ANGPT1: variants seen among roughly 807,000 people sequenced by gnomAD.
ANGPT1 encodes the protein angiopoietin-1.
Under a neutral mutation model 62.2 loss-of-function variants are expected in ANGPT1, and 17 were observed. The observed-to-expected ratio is 0.27, with a 90% CI of 0.19 to 0.41. The LOEUF is 0.41. Ranked by LOEUF, ANGPT1 falls within the 10% of genes least tolerant of loss-of-function variation. The probability of loss-of-function intolerance (pLI) is 1.00; values close to 1 mark genes in which losing one functional copy is unlikely to be tolerated. For missense variants in ANGPT1, 478 were observed against 594.9 expected (o/e 0.80, Z 2.04); for synonymous variants, 199 against 198.9 (o/e 1.00, Z 0.00).
In ANGPT1 at chr8:107,276,198, CA is replaced by C. The variant is rs1393227791; in HGVS notation, c.1205+8483del. On this transcript the variant is annotated intron_variant, in intron 7 of 8. Transcript: ENST00000517746. ...TCTCTGTTTTAGGAAGTAACCACAA[CA>C]AAAATCACAGTCTAAATAAAAGTAA... 2.0e-5 allele frequency among the ~76,000 whole-genome samples: 3 copies of C among 151,978 alleles called. No individual in the cohort carries two copies. In the East Asian group the frequency reaches 5.8e-4, roughly 29 times the overall value.
intron 1 of ANGPT1, among the ~76,000 whole-genome samples, chr8:107,427,388 G>T (rs148116494): frequency 6.6e-6 from 1 of 152,092 alleles, no homozygotes; most frequent in Non-Finnish European, 1.5e-5. Flanking sequence ...GCCAGCTCTT[G>T]TCTGTTTTGT....
chr8:107,331,398 T>C (rs1432813817), intron 3 of ANGPT1, among the ~76,000 whole-genome samples: 1 of 152,200 alleles, frequency 6.6e-6, no homozygotes, highest in African/African-American at 2.4e-5. Context: ...ACCTATATAG[T>C]GACAGGCCAA....
intron 6 of ANGPT1, among the ~76,000 whole-genome samples, chr8:107,292,675 C>T (rs1208138732): frequency 6.6e-6 from 1 of 152,164 alleles, no homozygotes; most frequent in African/African-American, 2.4e-5. Context: ...AACGTGCTTT[C>T]AGACTGTTCG....
intron 5 of ANGPT1, among the ~76,000 whole-genome samples, chr8:107,302,027 T>A (rs893143459): frequency 6.6e-6 from 1 of 151,960 alleles, no homozygotes; most frequent in Admixed American, 6.6e-5. Flanking sequence ...TGATTTACTA[T>A]GCACTGCATG....
At chr8:107,310,955 ATG>A (rs35460809) in intron 4 of ANGPT1, among the ~76,000 whole-genome samples, 42,756 of 147,288 alleles carry the variant, frequency 0.29, 7,370 homozygotes, top group Admixed American at 0.41. Flanking sequence ...GTGTGTATGT[ATG>A]TGTGTGTGTA....
At chr8:107,353,615 T>A (rs2130179986) in intron 1 of ANGPT1, among the ~76,000 whole-genome samples, 1 of 152,248 alleles carries the variant, frequency 6.6e-6, no homozygotes, top group East Asian at 1.9e-4. Flanking sequence ...CCTTGATTTT[T>A]TTTCTTCAGA....
At chr8:107,443,754 G>A (rs1183714257) in intron 1 of ANGPT1, among the ~76,000 whole-genome samples, 1 of 151,216 alleles carries the variant, frequency 6.6e-6, no homozygotes, top group Non-Finnish European at 1.5e-5. Context: ...AGGAGGCAGA[G>A]GTTGTGGTGA....
chr8:107,472,343 A>C (rs1812381970), intron 1 of ANGPT1, among the ~76,000 whole-genome samples: 1 of 152,046 alleles, frequency 6.6e-6, no homozygotes, highest in South Asian at 2.1e-4. Context: ...ACTATGAGCC[A>C]TCCACACTTA....
intron 1 of ANGPT1, among the ~76,000 whole-genome samples, chr8:107,436,679 T>C (rs1288363832): frequency 6.6e-6 from 1 of 152,198 alleles, no homozygotes; most frequent in Non-Finnish European, 1.5e-5. Flanking sequence ...ACTAATGATG[T>C]TGTTAAACAA....
chr8:107,300,079 CTA>C (rs1814548421), intron 5 of ANGPT1, among the ~76,000 whole-genome samples: 1 of 133,078 alleles, frequency 7.5e-6, no homozygotes, highest in South Asian at 2.2e-4. Context: ...GTATCTATAT[CTA>C]TAGAGATCTA....
intron 1 of ANGPT1, among the ~76,000 whole-genome samples, chr8:107,347,967 C>A (rs1028459025): frequency 5.3e-5 from 8 of 152,144 alleles, no homozygotes; most frequent in African/African-American, 1.7e-4. Flanking sequence ...TAAAGCTGAA[C>A]ATATGCATTG....
chr8:107,351,410 A>G (rs1231552135), intron 1 of ANGPT1, among the ~76,000 whole-genome samples: 1 of 152,084 alleles, frequency 6.6e-6, no homozygotes, highest in Non-Finnish European at 1.5e-5. Flanking sequence ...AAAGCCAGAC[A>G]TCAAAGAAAA....
At chr8:107,259,629 G>T (rs1459919477) in intron 8 of ANGPT1, among the ~76,000 whole-genome samples, 1 of 151,912 alleles carries the variant, frequency 6.6e-6, no homozygotes, top group Non-Finnish European at 1.5e-5. Context: ...AAATTATACT[G>T]AAACTAAAGT....
chr8:107,331,906 C>T (rs532514912), intron 3 of ANGPT1, among the ~76,000 whole-genome samples: 1 of 152,228 alleles, frequency 6.6e-6, no homozygotes, highest in African/African-American at 2.4e-5. Flanking sequence ...TTTGATTTCC[C>T]TTCCTGTATA....
rs1449106312 is a variant in ANGPT1 at position 107,370,406 on chromosome 8, AAGAG to A, written c.298-23313_298-23310del. Among the ~76,000 whole-genome samples the A allele has an allele frequency of 5.5e-5, 8 of 145,712 alleles. 2 individuals carry two copies. Among genetic ancestry groups the A allele is most frequent in the African/African-American group, 2.1e-4 (8 of 38,244 alleles). On this transcript the variant is annotated intron_variant, in intron 1 of 8. Coordinates refer to ENST00000517746, the MANE Select transcript of ANGPT1 (RefSeq NM_001146.5). ...AAAGAAAGAAAGAAAGAAAGAAAGA[AAGAG>A]TCAGGGTCAGTGGCTCAGGCCTATA...
intron 1 of ANGPT1, among the ~76,000 whole-genome samples, chr8:107,426,843 TAACA>T (rs1811053795): frequency 6.6e-6 from 1 of 152,178 alleles, no homozygotes; most frequent in Non-Finnish European, 1.5e-5. Flanking sequence ...TTGAGAGGAA[TAACA>T]AACACTACTC....
At chr8:107,327,164 T>TA (rs1815309584) in intron 3 of ANGPT1, among the ~76,000 whole-genome samples, 1 of 152,160 alleles carries the variant, frequency 6.6e-6, no homozygotes, top group Admixed American at 6.6e-5. Context: ...AGAATTTTCT[T>TA]AAATACTACC....
chr8:107,425,873 TTGAGTTTCTCCAGCTC>T (rs1811028552), intron 1 of ANGPT1, among the ~76,000 whole-genome samples: 1 of 152,112 alleles, frequency 6.6e-6, no homozygotes, highest in Non-Finnish European at 1.5e-5. Flanking sequence ...CAAGCTTGAG[TTGAGTTTCTCCAGCTC>T]TCAACAGAAA....
chr8:107,293,844 A>T (rs889940227), intron 6 of ANGPT1, 92 bp downstream of exon 6: 71 of 962,610 alleles, frequency 7.4e-5, no homozygotes, highest in Non-Finnish European at 1.0e-4. Flanking sequence ...ATAACTCAAA[A>T]CCACCTAAAA....
Sources: allele counts gnomAD v4.1 joint callset (sites outside exome capture counted in the v4.1 genomes callset), GRCh38; gene constraint gnomAD v4.1.1; transcripts MANE v1.5; gene names NCBI Gene and HGNC (gene_info 2026-07-23, HGNC 2026-07-21).